FBXW12: variants seen among roughly 807,000 people sequenced by gnomAD.
The protein encoded by FBXW12 is F-box/WD repeat-containing protein 12.
Under a neutral mutation model 55.3 loss-of-function variants are expected in FBXW12, and 43 were observed. The observed-to-expected ratio is 0.78, with a 90% CI of 0.61 to 1.00. The LOEUF (loss-of-function observed/expected upper bound fraction) is 1.00, where lower values mean the gene tolerates loss of function less well. Ranked by LOEUF, FBXW12 falls within the 50% of genes least tolerant of loss-of-function variation. FBXW12 has a pLI of 0.00. For synonymous variants in FBXW12, 184 were observed against 203.8 expected, an observed-to-expected ratio of 0.90 and a Z score of 0.83; for missense variants, 524 against 560.5, an observed-to-expected ratio of 0.93 and a Z score of 0.66.
At chr3:48,374,463 G>A (rs546377731) in intron 4 of FBXW12, among the ~76,000 whole-genome samples, 1 of 152,118 alleles carries the variant, frequency 6.6e-6, no homozygotes, top group South Asian at 2.1e-4. Flanking sequence ...GAGTAGCTGG[G>A]ATTACAGGCA....
intron 10 of FBXW12, among the ~76,000 whole-genome samples, chr3:48,393,304 C>T (rs1162230382): frequency 6.6e-6 from 1 of 151,944 alleles, no homozygotes; most frequent in Non-Finnish European, 1.5e-5. Flanking sequence ...CCTGGGGTAC[C>T]ATTTCTACTC....
At chr3:48,390,547 T>C (rs1222051894) in intron 10 of FBXW12, among the ~76,000 whole-genome samples, 1 of 151,562 alleles carries the variant, frequency 6.6e-6, no homozygotes, top group African/African-American at 2.4e-5. Context: ...CCCAAGTAGC[T>C]GGGACCACAG....
intron 2 of FBXW12, 24 bp downstream of exon 2, chr3:48,372,881 G>A: frequency 6.2e-7 from 1 of 1,602,772 alleles, no homozygotes; most frequent in Non-Finnish European, 8.5e-7. Flanking sequence ...ACCTCCCACT[G>A]CCCCCCAAGC....
Position 48,378,409 on chromosome 3 carries a change from G to GA in FBXW12, c.505dup (p.Thr169AsnfsTer44), listed in dbSNP as rs767006036. 2.5e-6 allele frequency: 4 copies of GA among 1,613,752 alleles called. No individual in the cohort carries two copies. Among genetic ancestry groups the GA allele is most frequent in the East Asian group, 2.2e-5 (1 of 44,856 alleles). On this transcript the variant is annotated frameshift_variant, in exon 6 of 11. Coordinates refer to ENST00000296438, the MANE Select transcript of FBXW12 (RefSeq NM_207102.2). LOFTEE classifies it high-confidence loss of function. ...TGCATCTCGCCATCACTATGGATCG[G>GA]AAAAAAACTATCAAAGTGTGGAACT...
At chr3:48,393,526 A>C (rs2036960800) in intron 10 of FBXW12, among the ~76,000 whole-genome samples, 1 of 152,180 alleles carries the variant, frequency 6.6e-6, no homozygotes, top group Non-Finnish European at 1.5e-5. Flanking sequence ...CTATGCTCCC[A>C]CCATTTCCTC....
At chr3:48,375,823 C>T (rs1177945555) in intron 5 of FBXW12, among the ~76,000 whole-genome samples, 1 of 151,778 alleles carries the variant, frequency 6.6e-6, no homozygotes. Context: ...TACAGGCGCC[C>T]GCCACCACGC....
chr3:48,378,931 C>T (rs750498987), intron 6 of FBXW12, among the ~76,000 whole-genome samples: 148 of 152,244 alleles, frequency 9.7e-4, no homozygotes, highest in Admixed American at 2.5e-3. Context: ...ACATACCCTG[C>T]GAGTCAATCA....
In FBXW12 at chr3:48,373,364, CAAG is replaced by C. The variant is rs755116712; in HGVS notation, c.128+20_128+22del. On this transcript the variant is annotated intron_variant, in intron 3 of 10. Transcript: ENST00000296438. ...TGTGGAGGTAAGGGAAGGGAAAGGGCAAGGAGGGAAGGGGAGAGGAGATCATCT... is the reference window on the plus strand; with the variant it reads ...TGTGGAGGTAAGGGAAGGGAAAGGGCGAGGGAAGGGGAGAGGAGATCATCT... 1.2e-5 allele frequency: 20 copies of C among 1,613,906 alleles called. No individual in the cohort carries two copies. The highest frequency in any genetic ancestry group is 1.6e-5 in the Non-Finnish European group (19 of 1,179,998).
At chr3:48,384,769 A>G (rs1339020244) in intron 10 of FBXW12, among the ~76,000 whole-genome samples, 2 of 152,160 alleles carry the variant, frequency 1.3e-5, no homozygotes, top group Non-Finnish European at 2.9e-5. Context: ...ATATAAGCAT[A>G]TAGTTTTTCT....
intron 10 of FBXW12, among the ~76,000 whole-genome samples, chr3:48,385,305 T>G (rs2036831726): frequency 6.6e-6 from 1 of 152,070 alleles, no homozygotes; most frequent in South Asian, 2.1e-4. Context: ...CGTGACAAGA[T>G]TCCCTTCTTT....
chr3:48,374,532 T>G (rs756763299), intron 4 of FBXW12, among the ~76,000 whole-genome samples: 1 of 152,112 alleles, frequency 6.6e-6, no homozygotes, highest in Non-Finnish European at 1.5e-5. Context: ...TTCACCATAT[T>G]AGCCAGGCTG....
chr3:48,393,939 G>A (rs533231262), intron 10 of FBXW12, among the ~76,000 whole-genome samples: 1 of 150,610 alleles, frequency 6.6e-6, no homozygotes, highest in African/African-American at 2.4e-5. Flanking sequence ...CCACCACGCC[G>A]ACTAATTTTT....
In FBXW12 at chr3:48,380,104, C is replaced by A. The variant is rs867038706; in HGVS notation, c.774+546C>A. 3 of 152,202 alleles carry A rather than the reference C, an allele frequency of 2.0e-5. No individual in the cohort carries two copies. In the South Asian group the frequency reaches 6.2e-4, roughly 31 times the overall value. The allele number at this position is 152,202 out of a possible 1,614,324, so 9.4% of individuals were successfully genotyped here. ...CCTGTGAATAGTCACTGCACTCCAG[C>A]CTGGGCAACATGGCGAGACCCTACC... On this transcript the variant is annotated intron_variant, in intron 7 of 10. Transcript: ENST00000296438.
At chr3:48,375,974 CTTTTTTTT>C (rs34834484) in intron 5 of FBXW12, among the ~76,000 whole-genome samples, 4 of 40,652 alleles carry the variant, frequency 9.8e-5, no homozygotes, top group South Asian at 3.0e-3. Flanking sequence ...TGCGCCCGGC[CTTTTTTTT>C]TTTTTTTTTT....
chr3:48,384,355 A>C (rs555659649), intron 10 of FBXW12, among the ~76,000 whole-genome samples: 1 of 152,358 alleles, frequency 6.6e-6, no homozygotes, highest in Admixed American at 6.5e-5. Context: ...AGTATATAGA[A>C]ATACGACTGA....
rs1156342084 is a variant in FBXW12 at position 48,379,552 on chromosome 3, G to A, written c.768G>A (p.Leu256=). Residue 256 remains leucine, a synonymous_variant, in exon 7 of 11, where the codon TTG becomes TTA. Transcript: ENST00000296438. ...VFACGTYSRT[L]PQVFLTESLL... Reference sequence around the variant, plus strand: ...CATGTGGGACATACAGTCGTACCTTGCCACAGGTAGGTGCTGTTCTGTGTA... The same window carrying A: ...CATGTGGGACATACAGTCGTACCTTACCACAGGTAGGTGCTGTTCTGTGTA... 1 of 1,613,818 alleles carries A rather than the reference G, an allele frequency of 6.2e-7. No individual in the cohort carries two copies. The highest frequency in any genetic ancestry group is 1.7e-5 in the Admixed American group (1 of 60,026).
chr3:48,381,873 T>C lies in FBXW12; in HGVS notation c.1159T>C (p.Trp387Arg), dbSNP rs1417985965. The change falls in exon 9 of 11, where the codon TGG becomes CGG. Residue 387 changes from tryptophan to arginine, a missense_variant. By Grantham distance (101) the Trp-to-Arg change is moderately radical. Coordinates refer to ENST00000296438, the MANE Select transcript of FBXW12 (RefSeq NM_207102.2). ...CCATCAGGCAGCCATCAACAACTTC[T>C]GGGTGGTATGTATGATTCTCCTCCA... is the stretch of plus-strand genomic sequence containing the variant. ...EDHQAAINNF[W>R]VDPCYVLTTS... is the part of the protein sequence containing the mutation. 6.2e-6 allele frequency: 10 copies of C among 1,608,664 alleles called. No homozygotes were observed. Among genetic ancestry groups the C allele is most frequent in the Non-Finnish European group, 8.5e-6 (10 of 1,176,026 alleles).
At chr3:48,390,755 G>A (rs2106655372) in intron 10 of FBXW12, among the ~76,000 whole-genome samples, 1 of 152,166 alleles carries the variant, frequency 6.6e-6, no homozygotes, top group African/African-American at 2.4e-5. Context: ...TCCTTGTAGA[G>A]ATCTTTCACC....
intron 10 of FBXW12, among the ~76,000 whole-genome samples, chr3:48,382,493 T>G (rs185140263): frequency 4.6e-5 from 7 of 152,072 alleles, no homozygotes; most frequent in Admixed American, 2.6e-4. Context: ...AGGATAGATA[T>G]CAATAAACTC....
Sources: allele counts gnomAD v4.1 joint callset (sites outside exome capture counted in the v4.1 genomes callset), GRCh38; gene constraint gnomAD v4.1.1; transcripts MANE v1.5; gene names NCBI Gene and HGNC (gene_info 2026-07-23, HGNC 2026-07-21).